The following SCN9A variants were observed in gnomAD, a reference collection of about 807,000 sequenced individuals.
SCN9A encodes sodium channel protein type 9 subunit alpha.
In SCN9A, 131 loss-of-function variants were observed where a neutral mutation model predicts 187.0. That is an observed-to-expected ratio of 0.70 (90% CI 0.61 to 0.81). SCN9A has a LOEUF of 0.81. Among genes scored for constraint, SCN9A ranks in the 30% least tolerant of loss-of-function variants. The probability of loss-of-function intolerance (pLI) is 0.00; values close to 1 mark genes in which losing one functional copy is unlikely to be tolerated. For synonymous variants in SCN9A, 809 were observed against 808.6 expected (o/e 1.00, Z -0.01); for missense variants, 2,252 against 2,396.6 (o/e 0.94, Z 1.26).
At chr2:166,324,983 A>G (rs943522155) in intron 1 of SCN9A, among the ~76,000 whole-genome samples, 1 of 152,190 alleles carries the variant, frequency 6.6e-6, no homozygotes, top group Non-Finnish European at 1.5e-5. Flanking sequence ...ATAATGATGT[A>G]TCACATGGTT....
chr2:166,226,650 C>T lies in SCN9A; in HGVS notation c.4315G>A (p.Val1439Ile), dbSNP rs149346064. ...AAGAATGACCCAAAGATGATAAAGACGACAAAATAAATATACATGTAGAGG... is the reference window on the plus strand; with the variant it reads ...AAGAATGACCCAAAGATGATAAAGATGACAAAATAAATATACATGTAGAGG... ...YSLYMYIYFV[V>I]FIIFGSFFTL... The change falls in exon 24 of 27, where the codon GTC (valine) becomes ATC (isoleucine). Residue 1439 changes from valine (V) to isoleucine (I), a missense_variant. Physicochemically the swap from Val to Ile is conservative, Grantham distance 29 (BLOSUM62 3). Around this residue, in one of 7 missense-constraint regions of SCN9A, gnomAD observed 368 missense variants for 408.6 expected, o/e 0.90. Coordinates refer to ENST00000642356, the MANE Select transcript of SCN9A (RefSeq NM_001365536.1). 1,554 of 1,589,422 alleles carry T rather than the reference C, an allele frequency of 9.8e-4. 14 individuals are homozygous for T. In the Middle Eastern group the frequency reaches 0.012, roughly 12 times the overall value.
intron 19 of SCN9A, among the ~76,000 whole-genome samples, chr2:166,240,089 GCT>G (rs1695499273): frequency 6.6e-6 from 1 of 152,210 alleles, no homozygotes; most frequent in Non-Finnish European, 1.5e-5. Flanking sequence ...TTCAGTGATA[GCT>G]CTGTCATTTA....
intron 1 of SCN9A, among the ~76,000 whole-genome samples, chr2:166,368,160 T>A (rs539201442): frequency 6.6e-6 from 1 of 152,334 alleles, no homozygotes; most frequent in South Asian, 2.1e-4. Context: ...AGGTAATTTC[T>A]GAGCCTTAGT....
rs7606196 is a variant in SCN9A, at chr2:166,333,409, C to A, written c.-50-21603G>T. 9.2e-3 allele frequency among the ~76,000 whole-genome samples: 1,400 copies of A among 152,144 alleles called. 31 individuals are homozygous for A. The highest frequency in any genetic ancestry group is 0.031 in the African/African-American group (1,271 of 41,542). On this transcript the variant is annotated intron_variant, in intron 1 of 26. Transcript: ENST00000642356. ...TCCTTATAGTTAAAGCCTATGTTCC[C>A]CCTACAATGTAACATGTCTTCCATA...
In SCN9A at chr2:166,354,380, A is replaced by G. The variant is rs186875141; in HGVS notation, c.-51+21317T>C. On this transcript the variant is annotated intron_variant, in intron 1 of 26. Coordinates refer to ENST00000642356, the MANE Select transcript of SCN9A (RefSeq NM_001365536.1). ...TTTTTTTTCCCCAGCCATAAACAGG[A>G]AGGTTAAAAGTTTGGTCAGATGGAT... 5.9e-5 allele frequency among the ~76,000 whole-genome samples: 9 copies of G among 152,204 alleles called. No individual in the cohort carries two copies. The East Asian group carries it at 1.7e-3, about 29-fold the overall frequency.
At chr2:166,307,571 G>T (rs993426225) in intron 2 of SCN9A, among the ~76,000 whole-genome samples, 1 of 152,126 alleles carries the variant, frequency 6.6e-6, no homozygotes, top group African/African-American at 2.4e-5. Flanking sequence ...TAAGTTGAAG[G>T]AACGTCAGAG....
chr2:166,198,995 T>C lies in SCN9A; in HGVS notation c.5644A>G (p.Thr1882Ala). The change falls in exon 27 of 27, where the codon ACC (threonine) becomes GCC (alanine). Residue 1882 changes from threonine to alanine, a missense_variant. Physicochemically the swap from Thr to Ala is moderately conservative, Grantham distance 58. Around this residue, in one of 7 missense-constraint regions of SCN9A, gnomAD observed 345 missense variants for 344.6 expected, o/e 1.00. Coordinates refer to ENST00000642356, the MANE Select transcript of SCN9A (RefSeq NM_001365536.1). ...TCCTCTTGTTTCCGTTTTAGTGTGG[T>C]TGTGATGGGTTCATAGGACACTTTG... ...PSKVSYEPIT[T>A]TLKRKQEDVS... 6.2e-7 allele frequency: 1 copy of C among 1,614,078 alleles called. No homozygotes were observed. The highest frequency in any genetic ancestry group is 1.7e-5 in the Admixed American group (1 of 60,022).
At chr2:166,246,413 C>G (rs1249609748) in intron 18 of SCN9A, among the ~76,000 whole-genome samples, 1 of 151,850 alleles carries the variant, frequency 6.6e-6, no homozygotes, top group Non-Finnish European at 1.5e-5. Context: ...AATTATGTAT[C>G]ATCCTATACT....
chr2:166,311,628 A>T lies in SCN9A; in HGVS notation c.129T>A (p.Asp43Glu), dbSNP rs200826539. ...KEPKEEKKDD[D>E]EEAPKPSSDL... Reference sequence around the variant, plus strand: ...CACTGCTTGGCTTTGGGGCTTCTTCATCATCATCTTTCTTTTCTTCTTTGG... The same window carrying T: ...CACTGCTTGGCTTTGGGGCTTCTTCTTCATCATCTTTCTTTTCTTCTTTGG... Residue 43 changes from aspartate (D) to glutamate (E), a missense_variant, in exon 2 of 27, where the codon GAT becomes GAA. Transcript: ENST00000642356. The T allele has an allele frequency of 6.2e-7, 1 of 1,613,256 alleles. No homozygotes were observed. The highest frequency in any genetic ancestry group is 8.5e-7 in the Non-Finnish European group (1 of 1,179,746).
At chr2:166,364,988 G>A (rs1034593705) in intron 1 of SCN9A, among the ~76,000 whole-genome samples, 1 of 152,096 alleles carries the variant, frequency 6.6e-6, no homozygotes, top group East Asian at 1.9e-4. Context: ...TTGCTAGGCA[G>A]TAGTCATTTA....
At chr2:166,369,954 C>A (rs1216043389) in intron 1 of SCN9A, among the ~76,000 whole-genome samples, 1 of 151,990 alleles carries the variant, frequency 6.6e-6, no homozygotes, top group Non-Finnish European at 1.5e-5. Flanking sequence ...GCAGGGGTGA[C>A]CAGCTGTGCC....
intron 13 of SCN9A, 146 bp from the exon 14 acceptor site, chr2:166,280,741 T>C: frequency 1.6e-6 from 1 of 608,800 alleles, no homozygotes; most frequent in Non-Finnish European, 2.9e-6. Context: ...AATGAAAGCA[T>C]AGCCTCTTAT....
intron 20 of SCN9A, among the ~76,000 whole-genome samples, chr2:166,236,253 G>A (rs1427998526): frequency 6.6e-6 from 1 of 151,900 alleles, no homozygotes; most frequent in East Asian, 1.9e-4. Context: ...TTGAAAAATA[G>A]CAAGAAATCA....
intron 17 of SCN9A, among the ~76,000 whole-genome samples, chr2:166,257,670 A>G (rs1013372733): frequency 5.8e-4 from 88 of 151,690 alleles, no homozygotes; most frequent in African/African-American, 2.0e-3. Flanking sequence ...TAAAAAAGTA[A>G]TAAGAATTTA....
intron 17 of SCN9A, among the ~76,000 whole-genome samples, chr2:166,259,051 C>A (rs1696397231): frequency 6.6e-6 from 1 of 151,658 alleles, no homozygotes; most frequent in Admixed American, 6.6e-5. Context: ...AAAAAATAAT[C>A]AAATTGCCCT....
At position 166,217,967 on chromosome 2, in the gene SCN9A, T is replaced by A. The variant is rs193245245; in HGVS notation, c.4398+8600A>T. On this transcript the variant is annotated intron_variant, in intron 24 of 26. Coordinates refer to ENST00000642356, the MANE Select transcript of SCN9A (RefSeq NM_001365536.1). ...CATTATTTACAAGAACCAAGACATA[T>A]TAGGTTGGTGCAAATGTAATTGCAG... 3.3e-4 allele frequency among the ~76,000 whole-genome samples: 50 copies of A among 152,136 alleles called. 1 individual carries two copies. The East Asian group carries it at 8.7e-3, about 27-fold the overall frequency.
chr2:166,314,708 C>T (rs944560033), intron 1 of SCN9A, among the ~76,000 whole-genome samples: 1 of 152,170 alleles, frequency 6.6e-6, no homozygotes, highest in Non-Finnish European at 1.5e-5. Flanking sequence ...CAAAAGGCCA[C>T]ATACGATATG....
chr2:166,238,416 A>G (rs1695416210), intron 19 of SCN9A, 149 bp from the exon 20 acceptor site: 1 of 607,844 alleles, frequency 1.6e-6, no homozygotes, highest in African/African-American at 1.9e-5. Context: ...GTTTACAGTT[A>G]TCATATAACA....
intron 17 of SCN9A, among the ~76,000 whole-genome samples, chr2:166,270,569 G>A (rs1216392366): frequency 6.6e-6 from 1 of 151,110 alleles, no homozygotes; most frequent in Non-Finnish European, 1.5e-5. Flanking sequence ...TAAATATAGA[G>A]CATTTTATTT....
Sources: allele counts gnomAD v4.1 joint callset (sites outside exome capture counted in the v4.1 genomes callset), GRCh38; gene constraint gnomAD v4.1.1; regional missense constraint gnomAD v4.1.1; transcripts MANE v1.5; gene names NCBI Gene and HGNC (gene_info 2026-07-23, HGNC 2026-07-21).